The following OR3A1 variants were observed in gnomAD, a reference collection of about 807,000 sequenced individuals.
OR3A1 encodes the protein olfactory receptor family 3 subfamily A member 1, also known as olfactory receptor 3A1.
For missense variants in OR3A1, 402 were observed against 393.8 expected (o/e 1.02, Z -0.18); for synonymous variants, 145 against 160.0 (o/e 0.91, Z 0.71).
Position 3,291,931 on chromosome 17 carries a change from C to T in OR3A1, c.652G>A (p.Val218Ile). 1 of 1,614,178 alleles carries T rather than the reference C, an allele frequency of 6.2e-7. No individual in the cohort carries two copies. Among genetic ancestry groups the T allele is most frequent in the Non-Finnish European group, 8.5e-7 (1 of 1,180,032 alleles). ...IMAGTPMALI[V>I]ISYIHVAAAV... is the part of the protein sequence containing the mutation. Reference sequence around the variant, plus strand: ...GCTGCCACGTGGATATAGGAGATGACAATGAGAGCCATGGGGGTACCTGCC... The same window carrying T: ...GCTGCCACGTGGATATAGGAGATGATAATGAGAGCCATGGGGGTACCTGCC... The change falls in exon 2 of 2, where the codon GTC becomes ATC. Residue 218 changes from valine to isoleucine, a missense_variant. Transcript: ENST00000323404.
Position 3,292,094 on chromosome 17 carries a change from A to G in OR3A1, c.489T>C (p.Thr163=). ...ACAFTNALTH[T]VAMSTLNFCG... ...AGAAGTTGAGCGTGGACATGGCCAC[A>G]GTGTGGGTCAGTGCGTTGGTGAAAG... is the stretch of plus-strand genomic sequence containing the variant. Residue 163 remains threonine, a synonymous_variant, in exon 2 of 2, where the codon ACT becomes ACC. Transcript: ENST00000323404. 1 of 1,614,232 alleles carries G rather than the reference A, an allele frequency of 6.2e-7. No individual in the cohort carries two copies. The highest frequency in any genetic ancestry group is 8.5e-7 in the Non-Finnish European group (1 of 1,180,040).
At chr17:3,297,380 G>C (rs1312943826) in intron 1 of OR3A1, among the ~76,000 whole-genome samples, 1 of 152,132 alleles carries the variant, frequency 6.6e-6, no homozygotes, top group East Asian at 1.9e-4. Flanking sequence ...CAGGTTGTAA[G>C]GTTTTACACC....
intron 1 of OR3A1, among the ~76,000 whole-genome samples, chr17:3,295,453 C>A (rs1191741710): frequency 1.3e-5 from 2 of 151,880 alleles, no homozygotes; most frequent in East Asian, 3.8e-4. Context: ...ATAAAAGTAA[C>A]CCTAGAAAAA....
At position 3,291,854 on chromosome 17, in the gene OR3A1, T is replaced by C. The variant is rs1481834642; in HGVS notation, c.729A>G (p.Thr243=). The change falls in exon 2 of 2, where the codon ACA becomes ACG. Residue 243 remains threonine, a synonymous_variant. Transcript: ENST00000323404. Reference sequence around the variant, plus strand: ...CAACCACAGTGAGGTGGGAGCCACATGTGGAGAAGGCTTTCTTCCTGCCCT... The same window carrying C: ...CAACCACAGTGAGGTGGGAGCCACACGTGGAGAAGGCTTTCTTCCTGCCCT... ...SVEGRKKAFS[T]CGSHLTVVAI... is the part of the protein sequence containing the mutation. 3 of 1,614,112 alleles carry C rather than the reference T, an allele frequency of 1.9e-6. No individual in the cohort carries two copies. The highest frequency in any genetic ancestry group is 1.3e-5 in the African/African-American group (1 of 75,058).
rs760005941 is a variant in OR3A1 at position 3,291,691 on chromosome 17, G to C, written c.892C>G (p.Pro298Ala). The part of the protein sequence containing the change: ...LNPIIYSFRN[P>A]DVQSAIWRML... ...CTCCAGATGGCACTCTGCACATCAG[G>C]GTTTCTGAAGCTGTAGATGATTGGG... The change falls in exon 2 of 2, where the codon CCT becomes GCT. Residue 298 changes from proline (P) to alanine (A), a missense_variant. Transcript: ENST00000323404. 1.9e-6 allele frequency: 3 copies of C among 1,611,154 alleles called. No individual in the cohort carries two copies. Among genetic ancestry groups the C allele is most frequent in the African/African-American group, 2.7e-5 (2 of 74,864 alleles).
Position 3,297,287 on chromosome 17 carries a change from T to A in OR3A1, c.-7+996A>T, listed in dbSNP as rs118127799. 5.4e-3 allele frequency among the ~76,000 whole-genome samples: 817 copies of A among 152,314 alleles called. 2 individuals carry two copies. Among genetic ancestry groups the A allele is most frequent in the South Asian group, 0.019 (93 of 4,834 alleles). On this transcript the variant is annotated intron_variant, in intron 1 of 1. Coordinates refer to ENST00000323404, the MANE Select transcript of OR3A1 (RefSeq NM_002550.3). Reference sequence around the variant, plus strand: ...TATAAATACTCTGTGAATTGACATATCTATAGGAGCAGAACAATTCCCTTA... The same window carrying A: ...TATAAATACTCTGTGAATTGACATAACTATAGGAGCAGAACAATTCCCTTA...
chr17:3,295,610 C>T (rs564447401), intron 1 of OR3A1, among the ~76,000 whole-genome samples: 22 of 151,922 alleles, frequency 1.4e-4, no homozygotes, highest in African/African-American at 5.1e-4. Context: ...ATGATAAAGC[C>T]GAGTGGGCCA....
intron 1 of OR3A1, among the ~76,000 whole-genome samples, chr17:3,297,581 GCT>G (rs1334877254): frequency 2.6e-5 from 4 of 151,486 alleles, no homozygotes; most frequent in African/African-American, 9.8e-5. Flanking sequence ...ATACTTTACG[GCT>G]CTTAGCTCTG....
Position 3,292,483 on chromosome 17 carries a change from A to G in OR3A1, c.100T>C (p.Phe34Leu), listed in dbSNP as rs149826123. Residue 34 changes from phenylalanine (F) to leucine (L), a missense_variant, in exon 2 of 2, where the codon TTC (phenylalanine) becomes CTC (leucine). Transcript: ENST00000323404. ...PGLQPVVFVLFLFAYLVTVRG... is the reference protein window; with the variant it reads ...PGLQPVVFVLLLFAYLVTVRG... ...ACCGTGACCAGGTAGGCAAAGAGGA[A>G]GAGCACAAAGACAACTGGCTGCAGC... The G allele has an allele frequency of 1.9e-6, 3 of 1,613,792 alleles. No homozygotes were observed. Among genetic ancestry groups the G allele is most frequent in the South Asian group, 1.1e-5 (1 of 91,058 alleles).
chr17:3,292,403 G>T lies in OR3A1; in HGVS notation c.180C>A (p.Thr60=). 3.1e-6 allele frequency: 5 copies of T among 1,614,044 alleles called. No individual in the cohort carries two copies. Among genetic ancestry groups the T allele is most frequent in the Non-Finnish European group, 4.2e-6 (5 of 1,180,002 alleles). Residue 60 remains threonine (T), a synonymous_variant, in exon 2 of 2, where the codon ACC becomes ACA. Transcript: ENST00000323404. ...GGTTCCCCAGGAAGAAGTACATGGG[G>T]GTGTGGAGTTTGGGCTCCACCAAGA... ...AAVLVEPKLH[T]PMYFFLGNLS...
Position 3,292,201 on chromosome 17 carries a change from C to T in OR3A1, c.382G>A (p.Ala128Thr). ...LTAMAYDRFL[A>T]ICRPLTYSTR... ...CTGTAGGTGAGGGGCCGGCAGATGG[C>T]CAGGAATCGGTCATAGGCCATGGCG... is the stretch of plus-strand genomic sequence containing the variant. The change falls in exon 2 of 2, where the codon GCC becomes ACC. Residue 128 changes from alanine (A) to threonine (T), a missense_variant. By Grantham distance (58) the Ala-to-Thr change is moderately conservative. Coordinates refer to ENST00000323404, the MANE Select transcript of OR3A1 (RefSeq NM_002550.3). 2.5e-6 allele frequency: 4 copies of T among 1,614,072 alleles called. No homozygotes were observed. Among genetic ancestry groups the T allele is most frequent in the Non-Finnish European group, 3.4e-6 (4 of 1,180,024 alleles).
intron 1 of OR3A1, among the ~76,000 whole-genome samples, chr17:3,296,338 G>C (rs925457994): frequency 1.4e-4 from 22 of 152,124 alleles, no homozygotes; most frequent in Non-Finnish European, 2.2e-4. Flanking sequence ...GATTAAATCA[G>C]TGTTCAGAAA....
chr17:3,293,436 C>T (rs1249380053), intron 1 of OR3A1, among the ~76,000 whole-genome samples: 2 of 152,152 alleles, frequency 1.3e-5, no homozygotes, highest in Non-Finnish European at 2.9e-5. Flanking sequence ...AAATAATTTA[C>T]CTCCAATTCT....
At chr17:3,297,207 A>G (rs1335128636) in intron 1 of OR3A1, among the ~76,000 whole-genome samples, 2 of 152,172 alleles carry the variant, frequency 1.3e-5, no homozygotes, top group Admixed American at 6.5e-5. Flanking sequence ...TCTTAAATCA[A>G]CAATTCCTGT....
intron 1 of OR3A1, among the ~76,000 whole-genome samples, chr17:3,293,948 G>A (rs1220812778): frequency 6.6e-5 from 10 of 152,112 alleles, no homozygotes; most frequent in African/African-American, 1.9e-4. Flanking sequence ...ACACACTGGG[G>A]CCTGTCATGG....
At position 3,292,373 on chromosome 17, in the gene OR3A1, T is replaced by C. The variant is rs1358568845; in HGVS notation, c.210A>G (p.Ser70=). ...TPMYFFLGNL[S]VLDVGCISVT... ...CGCTGATGCACCCAACATCCAGCAC[T>C]GATAGGTTCCCCAGGAAGAAGTACA... The change falls in exon 2 of 2, where the codon TCA becomes TCG. Residue 70 remains serine (S), a synonymous_variant. Coordinates refer to ENST00000323404, the MANE Select transcript of OR3A1 (RefSeq NM_002550.3). The C allele has an allele frequency of 7.4e-6, 12 of 1,613,746 alleles. 1 individual carries two copies. The South Asian group carries it at 9.9e-5, about 13-fold the overall frequency.
chr17:3,295,891 T>C (rs1485069153), intron 1 of OR3A1, among the ~76,000 whole-genome samples: 1 of 152,120 alleles, frequency 6.6e-6, no homozygotes, highest in Non-Finnish European at 1.5e-5. Context: ...CCTAAGTATA[T>C]AGCATTGATA....
Position 3,291,933 on chromosome 17 carries a change from A to C in OR3A1, c.650T>G (p.Ile217Ser). The C allele has an allele frequency of 6.2e-7, 1 of 1,614,208 alleles. No homozygotes were observed. Among genetic ancestry groups the C allele is most frequent in the Non-Finnish European group, 8.5e-7 (1 of 1,180,042 alleles). Reference protein sequence around the residue: ...FIMAGTPMALIVISYIHVAAA... With the variant: ...FIMAGTPMALSVISYIHVAAA... Reference sequence around the variant, plus strand: ...TGCCACGTGGATATAGGAGATGACAATGAGAGCCATGGGGGTACCTGCCAT... The same window carrying C: ...TGCCACGTGGATATAGGAGATGACACTGAGAGCCATGGGGGTACCTGCCAT... The change falls in exon 2 of 2, where the codon ATT (isoleucine) becomes AGT (serine). Residue 217 changes from isoleucine (I) to serine (S), a missense_variant. Physicochemically the swap from Ile to Ser is moderately radical, Grantham distance 142 (BLOSUM62 -2). Coordinates refer to ENST00000323404, the MANE Select transcript of OR3A1 (RefSeq NM_002550.3).
Position 3,292,340 on chromosome 17 carries a change from A to G in OR3A1, c.243T>C (p.Val81=), listed in dbSNP as rs2048882414. The G allele has an allele frequency of 1.9e-6, 3 of 1,614,008 alleles. No individual in the cohort carries two copies. The highest frequency in any genetic ancestry group is 2.7e-5 in the African/African-American group (2 of 74,890). ...VLDVGCISVT[V]PSMLSRLLSR... is the part of the protein sequence containing the mutation. ...ACAGGAGACGACTCAACATTGATGG[A>G]ACAGTGACGCTGATGCACCCAACAT... Residue 81 remains valine, a synonymous_variant, in exon 2 of 2, where the codon GTT becomes GTC. Transcript: ENST00000323404.
Sources: gnomAD v4.1 joint callset for allele counts (sites outside exome capture counted in the v4.1 genomes callset) on GRCh38, gnomAD v4.1.1 for gene constraint, MANE v1.5 for transcripts, NCBI Gene and HGNC (gene_info 2026-07-23, HGNC 2026-07-21) for gene names.